Variants in CACNA2D3 observed in about 807,000 individuals in gnomAD.
CACNA2D3 encodes the protein voltage-dependent calcium channel subunit alpha-2/delta-3.
A neutral mutation model predicts 160.6 loss-of-function variants in CACNA2D3; 60 were observed. The observed-to-expected ratio is 0.37, with a 90% CI of 0.30 to 0.46. CACNA2D3 has a LOEUF of 0.46. Ranked by LOEUF, CACNA2D3 falls within the 20% of genes least tolerant of loss-of-function variation. The probability of loss-of-function intolerance (pLI) is 1.00; values close to 1 mark genes in which losing one functional copy is unlikely to be tolerated. For missense variants in CACNA2D3, 1,205 were observed against 1,365.0 expected (o/e 0.88, Z 1.85); for synonymous variants, 558 against 492.9 (o/e 1.13, Z -1.75).
intron 2 of CACNA2D3, among the ~76,000 whole-genome samples, chr3:54,289,998 G>A (rs141085818): frequency 0.021 from 3,123 of 151,340 alleles, 106 homozygotes; most frequent in African/African-American, 0.071. Flanking sequence ...ATAGGCATGG[G>A]CAAGGACTTC....
At chr3:54,161,012 G>A (rs1700333652) in intron 2 of CACNA2D3, among the ~76,000 whole-genome samples, 1 of 152,196 alleles carries the variant, frequency 6.6e-6, no homozygotes, top group East Asian at 1.9e-4. Context: ...GTTTGCAGCT[G>A]TGTGGATGCC....
At chr3:54,348,408 C>T (rs1266216294) in intron 3 of CACNA2D3, among the ~76,000 whole-genome samples, 1 of 152,152 alleles carries the variant, frequency 6.6e-6, no homozygotes, top group African/African-American at 2.4e-5. Flanking sequence ...ACAGAGTCTC[C>T]ATACTCAAGT....
At chr3:54,387,066 C>G (rs1699200400) in intron 4 of CACNA2D3, among the ~76,000 whole-genome samples, 1 of 152,206 alleles carries the variant, frequency 6.6e-6, no homozygotes, top group South Asian at 2.1e-4. Flanking sequence ...CACCAGATCT[C>G]TCAATGGTGA....
chr3:54,904,259 A>G (rs368017919), intron 27 of CACNA2D3, among the ~76,000 whole-genome samples: 1 of 152,196 alleles, frequency 6.6e-6, no homozygotes. Flanking sequence ...TTCTCCCTGG[A>G]GAGACCTGGC....
intron 14 of CACNA2D3, among the ~76,000 whole-genome samples, chr3:54,822,239 C>T (rs1159064897): frequency 6.6e-6 from 1 of 152,126 alleles, no homozygotes; most frequent in Non-Finnish European, 1.5e-5. Context: ...GATAGCAGCA[C>T]AGTGGACTAC....
At chr3:54,303,132 A>ATG (rs1491514616) in intron 2 of CACNA2D3, among the ~76,000 whole-genome samples, 1 of 152,034 alleles carries the variant, frequency 6.6e-6, no homozygotes, top group East Asian at 1.9e-4. Context: ...GTATAATGAC[A>ATG]TGTGTGTTCT....
At chr3:54,601,690 C>G (rs958656760) in intron 9 of CACNA2D3, among the ~76,000 whole-genome samples, 2 of 151,884 alleles carry the variant, frequency 1.3e-5, no homozygotes, top group Non-Finnish European at 1.5e-5. Context: ...ATACCCCAGT[C>G]ACTAGTAAGA....
At chr3:54,806,414 C>G (rs1380055448) in intron 13 of CACNA2D3, among the ~76,000 whole-genome samples, 1 of 152,106 alleles carries the variant, frequency 6.6e-6, no homozygotes, top group Admixed American at 6.5e-5. Context: ...CAATAGCGGA[C>G]AAACAGAGAA....
chr3:54,688,827 C>T (rs1230799771), intron 11 of CACNA2D3, among the ~76,000 whole-genome samples: 2 of 151,230 alleles, frequency 1.3e-5, no homozygotes, highest in Admixed American at 6.6e-5. Flanking sequence ...ATGGTGAAAC[C>T]GCGTCTCTAC....
intron 14 of CACNA2D3, among the ~76,000 whole-genome samples, chr3:54,828,270 A>C (rs1396716656): frequency 6.6e-6 from 1 of 152,204 alleles, no homozygotes; most frequent in Admixed American, 6.5e-5. Context: ...ATTATGTGTC[A>C]TGGCTCATCA....
rs71096435 is a variant in CACNA2D3, at chr3:54,681,118, G to GGAGA, written c.1167+38894_1167+38897dup. Reference sequence around the variant, plus strand: ...AATTTTCCTCTGTGTTATTATCTAAGGAGAGAGAGAGAGAGAGAGACAGAG... The same window carrying GGAGA: ...AATTTTCCTCTGTGTTATTATCTAAGGAGAGAGAGAGAGAGAGAGAGAGACAGAG... On this transcript the variant is annotated intron_variant, in intron 11 of 37. Transcript: ENST00000474759. Among the ~76,000 whole-genome samples the GGAGA allele has an allele frequency of 4.7e-4, 71 of 149,716 alleles. 1 individual carries two copies. Among genetic ancestry groups the GGAGA allele is most frequent in the Middle Eastern group, 6.9e-3 (2 of 288 alleles).
rs187636273 is a variant in CACNA2D3 at position 54,748,695 on chromosome 3, A to G, written c.1168-3904A>G. Among the ~76,000 whole-genome samples the G allele has an allele frequency of 2.0e-4, 30 of 152,202 alleles. No individual in the cohort carries two copies. In the East Asian group the frequency reaches 5.4e-3, roughly 28 times the overall value. On this transcript the variant is annotated intron_variant, in intron 11 of 37. Coordinates refer to ENST00000474759, the MANE Select transcript of CACNA2D3 (RefSeq NM_018398.3). ...CTGGTGTATTCCAGAACTATGTCAC[A>G]GCACCTTCCCATGGTTGTCTGTGCC... is the stretch of plus-strand genomic sequence containing the variant.
At chr3:54,389,685 A>G (rs569597608) in intron 4 of CACNA2D3, among the ~76,000 whole-genome samples, 1 of 152,332 alleles carries the variant, frequency 6.6e-6, no homozygotes, top group East Asian at 1.9e-4. Context: ...TAATCATGAT[A>G]AAACATCAGA....
At chr3:54,689,756 GTCACATGAACA>G (rs946641302) in intron 11 of CACNA2D3, among the ~76,000 whole-genome samples, 1 of 151,994 alleles carries the variant, frequency 6.6e-6, no homozygotes, top group Admixed American at 6.6e-5. Context: ...CACTGGTCTG[GTCACATGAACA>G]CTACACTAGC....
At chr3:54,449,470 T>C (rs1195537111) in intron 4 of CACNA2D3, among the ~76,000 whole-genome samples, 1 of 152,258 alleles carries the variant, frequency 6.6e-6, no homozygotes, top group Non-Finnish European at 1.5e-5. Context: ...AATTAAAATA[T>C]AACCTCATTT....
At chr3:54,785,087 G>T (rs190263772) in intron 13 of CACNA2D3, among the ~76,000 whole-genome samples, 371 of 152,304 alleles carry the variant, frequency 2.4e-3, no homozygotes, top group Non-Finnish European at 3.6e-3. Context: ...CCATCCTTCC[G>T]CAGGACCACA....
intron 10 of CACNA2D3, 83 bp downstream of exon 10, chr3:54,627,959 G>A (rs1014636729): frequency 7.4e-6 from 7 of 950,824 alleles, no homozygotes; most frequent in South Asian, 4.2e-5. Flanking sequence ...CAGGCTGGGC[G>A]CTGTGGTTCA....
chr3:54,215,845 TAAG>T (rs1701451044), intron 2 of CACNA2D3, among the ~76,000 whole-genome samples: 1 of 152,144 alleles, frequency 6.6e-6, no homozygotes, highest in African/African-American at 2.4e-5. Flanking sequence ...ATTCAAGGGC[TAAG>T]CTCTTTATTC....
chr3:54,469,540 G>T (rs189980664), intron 4 of CACNA2D3, among the ~76,000 whole-genome samples: 40 of 152,142 alleles, frequency 2.6e-4, no homozygotes, highest in Admixed American at 1.2e-3. Context: ...GGATCACAAC[G>T]CCTTGACAGC....
Sources: allele counts gnomAD v4.1 joint callset (sites outside exome capture counted in the v4.1 genomes callset), GRCh38; gene constraint gnomAD v4.1.1; transcripts MANE v1.5; gene names NCBI Gene and HGNC (gene_info 2026-07-23, HGNC 2026-07-21).